Variants in SOX5 observed in about 807,000 individuals in gnomAD.
SOX5 encodes transcription factor SOX-5.
A neutral mutation model predicts 92.0 loss-of-function variants in SOX5; 9 were observed. The observed-to-expected ratio is 0.10, with a 90% CI of 0.06 to 0.17. The LOEUF (loss-of-function observed/expected upper bound fraction) is 0.17, where lower values mean the gene tolerates loss of function less well. SOX5 is among the 10% of genes least tolerant of loss of function. The probability of loss-of-function intolerance (pLI) is 1.00; values close to 1 mark genes in which losing one functional copy is unlikely to be tolerated. For missense variants in SOX5, 642 were observed against 944.5 expected (o/e 0.68, Z 4.20); for synonymous variants, 344 against 336.3 (o/e 1.02, Z -0.25).
chr12:23,942,454 C>T (rs1205534215), intron 1 of SOX5, among the ~76,000 whole-genome samples: 1 of 151,744 alleles, frequency 6.6e-6, no homozygotes, highest in East Asian at 1.9e-4. Flanking sequence ...GACAAGAAAA[C>T]ATGATTTGGG....
At chr12:24,299,864 T>G (rs901340190) in intron 2 of SOX5, among the ~76,000 whole-genome samples, 1 of 152,208 alleles carries the variant, frequency 6.6e-6, no homozygotes, top group Non-Finnish European at 1.5e-5. Flanking sequence ...GTCTACCCGT[T>G]ATTTGATGAC....
At chr12:24,055,060 A>T (rs1957964481) in intron 4 of SOX5, among the ~76,000 whole-genome samples, 1 of 152,240 alleles carries the variant, frequency 6.6e-6, no homozygotes, top group South Asian at 2.1e-4. Flanking sequence ...ATTTTCAAAA[A>T]AAAATGAGGA....
chr12:23,589,571 T>C (rs982927744), intron 9 of SOX5, among the ~76,000 whole-genome samples: 5 of 151,950 alleles, frequency 3.3e-5, no homozygotes, highest in Admixed American at 6.6e-5. Context: ...GCGAATACTT[T>C]ATTTAAAGCA....
intron 2 of SOX5, among the ~76,000 whole-genome samples, chr12:23,870,643 C>A (rs1301760722): frequency 1.3e-5 from 2 of 152,102 alleles, no homozygotes; most frequent in Admixed American, 6.5e-5. Flanking sequence ...GTTCTTATCA[C>A]AATCCCATAA....
intron 4 of SOX5, among the ~76,000 whole-genome samples, chr12:23,999,331 C>T (rs1951370861): frequency 6.6e-6 from 1 of 151,938 alleles, no homozygotes; most frequent in Admixed American, 6.6e-5. Flanking sequence ...GAGATTTTGA[C>T]CAAAGAGTAT....
At chr12:24,038,038 C>A (rs1336877698) in intron 4 of SOX5, among the ~76,000 whole-genome samples, 3 of 152,040 alleles carry the variant, frequency 2.0e-5, no homozygotes, top group Non-Finnish European at 1.5e-5. Context: ...GAAAGACATA[C>A]AAAAGGGGAA....
At chr12:24,371,893 C>T (rs1956776601) in intron 1 of SOX5, among the ~76,000 whole-genome samples, 1 of 151,832 alleles carries the variant, frequency 6.6e-6, no homozygotes. Context: ...GAGGCTGAGG[C>T]AGAAGAATGG....
At chr12:24,427,656 C>T (rs1966854689) in intron 1 of SOX5, among the ~76,000 whole-genome samples, 3 of 152,192 alleles carry the variant, frequency 2.0e-5, no homozygotes, top group East Asian at 1.9e-4. Flanking sequence ...ACATTAAATC[C>T]ATCTTCCATC....
At chr12:24,329,103 C>T (rs1368473929) in intron 2 of SOX5, among the ~76,000 whole-genome samples, 1 of 151,968 alleles carries the variant, frequency 6.6e-6, no homozygotes, top group Non-Finnish European at 1.5e-5. Context: ...TAAAATGCTA[C>T]CAAGGTTTAT....
intron 3 of SOX5, among the ~76,000 whole-genome samples, chr12:23,836,999 TC>T (rs2096425828): frequency 6.6e-6 from 1 of 151,158 alleles, no homozygotes; most frequent in Non-Finnish European, 1.5e-5. Context: ...TTTTATTCTT[TC>T]TGATACTATG....
intron 6 of SOX5, among the ~76,000 whole-genome samples, chr12:23,670,865 G>T (rs1236213124): frequency 6.6e-6 from 1 of 152,118 alleles, no homozygotes; most frequent in Non-Finnish European, 1.5e-5. Flanking sequence ...GAGACCACAT[G>T]AATTGTAATA....
At chr12:24,330,692 A>G (rs1338773903) in intron 2 of SOX5, among the ~76,000 whole-genome samples, 1 of 152,272 alleles carries the variant, frequency 6.6e-6, no homozygotes, top group Non-Finnish European at 1.5e-5. Context: ...ACAGCTTGGC[A>G]CATGGTAGAC....
Position 24,126,312 on chromosome 12 carries a change from C to T in SOX5, c.-2+87031G>A, listed in dbSNP as rs114371511. Among the ~76,000 whole-genome samples the T allele has an allele frequency of 6.4e-3, 968 of 152,256 alleles. 11 individuals are homozygous for T. The highest frequency in any genetic ancestry group is 0.022 in the African/African-American group (916 of 41,540). Reference sequence around the variant, plus strand: ...AAATATCTACTCAACATCTCCATTACAGGCCTTTCAGAAAATACAAAATTC... The same window carrying T: ...AAATATCTACTCAACATCTCCATTATAGGCCTTTCAGAAAATACAAAATTC... On this transcript the variant is annotated intron_variant, in intron 4 of 4. Transcript: ENST00000446891.
intron 1 of SOX5, among the ~76,000 whole-genome samples, chr12:23,914,102 T>G (rs1476054726): frequency 6.6e-6 from 1 of 152,190 alleles, no homozygotes; most frequent in East Asian, 1.9e-4. Context: ...TGTTAATATC[T>G]GTTTCCTCTA....
chr12:24,179,252 A>T (rs188095102), intron 4 of SOX5, among the ~76,000 whole-genome samples: 2 of 152,334 alleles, frequency 1.3e-5, no homozygotes, highest in East Asian at 3.9e-4. Context: ...TTTTTGTAAC[A>T]CTTTCCATGG....
intron 4 of SOX5, among the ~76,000 whole-genome samples, chr12:24,137,443 C>CA (rs1213217227): frequency 5.3e-5 from 8 of 152,018 alleles, no homozygotes; most frequent in African/African-American, 1.9e-4. Flanking sequence ...CCAGCCTGAC[C>CA]AATGTGATGA....
rs74070553 is a variant in SOX5 at position 23,552,406 on chromosome 12, C to T, written c.1489-5982G>A. ...AATGATAATAATTGCTTGGACTTAA[C>T]TTAGTTTAACTCAGTTTTTGAGCAT... is the stretch of plus-strand genomic sequence containing the variant. On this transcript the variant is annotated intron_variant, in intron 11 of 14. Transcript: ENST00000451604. 9.5e-3 allele frequency among the ~76,000 whole-genome samples: 1,448 copies of T among 151,660 alleles called. 20 individuals carry two copies. The highest frequency in any genetic ancestry group is 0.033 in the African/African-American group (1,376 of 41,390).
At chr12:24,055,795 C>A (rs1199655669) in intron 4 of SOX5, among the ~76,000 whole-genome samples, 1 of 152,152 alleles carries the variant, frequency 6.6e-6, no homozygotes, top group African/African-American at 2.4e-5. Flanking sequence ...AAAACTAGTA[C>A]AATGACACCT....
rs113312800 is a variant in SOX5, at chr12:23,617,784, GA to G, written c.1018-13252del. On this transcript the variant is annotated intron_variant, in intron 8 of 14. Transcript: ENST00000451604. ...CACACCAATAAATCTTAAACAGCTAGAAAAAAAAAACATTTTGACTTTTATA... is the reference window on the plus strand; with the variant it reads ...CACACCAATAAATCTTAAACAGCTAGAAAAAAAAACATTTTGACTTTTATA... 3.1e-3 allele frequency among the ~76,000 whole-genome samples: 460 copies of G among 147,958 alleles called. 3 individuals are homozygous for G. The highest frequency in any genetic ancestry group is 1.4e-3 in the Non-Finnish European group (94 of 66,624).
Sources: allele counts gnomAD v4.1 joint callset (sites outside exome capture counted in the v4.1 genomes callset), GRCh38; gene constraint gnomAD v4.1.1; transcripts MANE v1.5; gene names NCBI Gene and HGNC (gene_info 2026-07-23, HGNC 2026-07-21).